The following EYA4 variants were observed in gnomAD, a reference collection of about 807,000 sequenced individuals.
EYA4 encodes the protein protein phosphatase EYA4.
Under a neutral mutation model 87.9 loss-of-function variants are expected in EYA4, and 31 were observed. That is an observed-to-expected ratio of 0.35 (90% CI 0.27 to 0.48). The LOEUF (loss-of-function observed/expected upper bound fraction) is 0.48, where lower values mean the gene tolerates loss of function less well. Among genes scored for constraint, EYA4 ranks in the 20% least tolerant of loss-of-function variants. The pLI is 0.99. For synonymous variants in EYA4, 263 were observed against 270.6 expected, an observed-to-expected ratio of 0.97 and a Z score of 0.28; for missense variants, 678 against 761.4, an observed-to-expected ratio of 0.89 and a Z score of 1.29.
intron 17 of EYA4, among the ~76,000 whole-genome samples, chr6:133,518,584 G>A (rs1187767038): frequency 6.6e-6 from 1 of 152,120 alleles, no homozygotes; most frequent in Admixed American, 6.5e-5. Flanking sequence ...TAATTATTCT[G>A]TGAATATAGT....
At chr6:133,390,897 G>T (rs555635381) in intron 3 of EYA4, among the ~76,000 whole-genome samples, 17 of 152,090 alleles carry the variant, frequency 1.1e-4, no homozygotes, top group Non-Finnish European at 2.4e-4. Flanking sequence ...GAAGATTGGG[G>T]GGCTATAGCT....
At chr6:133,500,390 C>A (rs1320971937) in intron 13 of EYA4, among the ~76,000 whole-genome samples, 1 of 152,062 alleles carries the variant, frequency 6.6e-6, no homozygotes, top group African/African-American at 2.4e-5. Context: ...TAACGCCTCT[C>A]TATCCTTTCC....
intron 2 of EYA4, among the ~76,000 whole-genome samples, chr6:133,359,031 A>C (rs1303684326): frequency 6.6e-6 from 1 of 152,178 alleles, no homozygotes; most frequent in Non-Finnish European, 1.5e-5. Context: ...AAGAAAAAAA[A>C]GGCCCTTTTT....
intron 2 of EYA4, among the ~76,000 whole-genome samples, chr6:133,313,843 C>A (rs1004427263): frequency 6.6e-6 from 1 of 152,044 alleles, no homozygotes; most frequent in African/African-American, 2.4e-5. Context: ...ATCATGTTAG[C>A]AAATGTATAT....
rs148901993 is a variant in EYA4 at position 133,275,150 on chromosome 6, A to G, written c.33+337A>G. The stretch of plus-strand genomic sequence containing the variant: ...ATTTCAGATATGCTGGATATTGTTG[A>G]ATATCAGAAGTATAAAAGGAGAAAG... On this transcript the variant is annotated intron_variant, in intron 2 of 19. Coordinates refer to ENST00000355286, the MANE Select transcript of EYA4 (RefSeq NM_004100.5). Among the ~76,000 whole-genome samples the G allele has an allele frequency of 7.2e-3, 1,102 of 152,306 alleles. 12 individuals are homozygous for G. The highest frequency in any genetic ancestry group is 7.5e-3 in the Non-Finnish European group (508 of 68,022).
chr6:133,443,556 T>C (rs886067222), intron 3 of EYA4, among the ~76,000 whole-genome samples: 1 of 152,044 alleles, frequency 6.6e-6, no homozygotes, highest in African/African-American at 2.4e-5. Context: ...TTCCTTCTAC[T>C]TACCTTTTGT....
chr6:133,345,591 G>A (rs930968230), intron 2 of EYA4, among the ~76,000 whole-genome samples: 7 of 152,090 alleles, frequency 4.6e-5, no homozygotes, highest in Non-Finnish European at 8.8e-5. Context: ...ACATTCAACA[G>A]CATTACTATT....
At chr6:133,522,531 T>C (rs778111517) in intron 17 of EYA4, among the ~76,000 whole-genome samples, 3 of 152,096 alleles carry the variant, frequency 2.0e-5, no homozygotes, top group Non-Finnish European at 4.4e-5. Context: ...ACACTGAAAG[T>C]AAATGCATGA....
At position 133,483,132 on chromosome 6, in the gene EYA4, T is replaced by C. The variant is rs1796362247; in HGVS notation, c.1191+17T>C. ...TATGGCAAGGTAAGAAATCAAGAAATGTTACTCCAAGAAATCTTGTTAAAT... is the reference window on the plus strand; with the variant it reads ...TATGGCAAGGTAAGAAATCAAGAAACGTTACTCCAAGAAATCTTGTTAAAT... On this transcript the variant is annotated intron_variant, in intron 13 of 19. Coordinates refer to ENST00000355286, the MANE Select transcript of EYA4 (RefSeq NM_004100.5). 1 of 1,572,756 alleles carries C rather than the reference T, an allele frequency of 6.4e-7. No individual in the cohort carries two copies. Among genetic ancestry groups the C allele is most frequent in the Admixed American group, 1.7e-5 (1 of 59,928 alleles).
At chr6:133,478,453 A>G (rs1344468612) in intron 11 of EYA4, among the ~76,000 whole-genome samples, 3 of 151,954 alleles carry the variant, frequency 2.0e-5, no homozygotes, top group Non-Finnish European at 2.9e-5. Context: ...AGTGTAATAT[A>G]TATATACATG....
intron 2 of EYA4, among the ~76,000 whole-genome samples, chr6:133,357,925 T>G (rs1001213757): frequency 1.9e-4 from 29 of 151,742 alleles, no homozygotes; most frequent in Non-Finnish European, 2.2e-4. Flanking sequence ...TAATATGAAA[T>G]ATATATTTGA....
intron 16 of EYA4, among the ~76,000 whole-genome samples, chr6:133,515,064 A>G (rs1799469506): frequency 6.6e-6 from 1 of 152,182 alleles, no homozygotes; most frequent in Admixed American, 6.5e-5. Context: ...AGATTGTAGG[A>G]TCAGTGAGGG....
chr6:133,525,859 A>G (rs781360692), intron 19 of EYA4: 76 of 973,674 alleles, frequency 7.8e-5, no homozygotes, highest in Non-Finnish European at 8.9e-5. Context: ...CTGAAATGGG[A>G]TGTATTGCTC....
intron 2 of EYA4, among the ~76,000 whole-genome samples, chr6:133,356,024 G>C (rs961900437): frequency 6.8e-6 from 1 of 146,882 alleles, no homozygotes; most frequent in Non-Finnish European, 1.5e-5. Context: ...GGGGTTAGGG[G>C]TGGGGAGAGA....
At chr6:133,483,754 C>T (rs938581729) in intron 13 of EYA4, among the ~76,000 whole-genome samples, 7 of 148,814 alleles carry the variant, frequency 4.7e-5, no homozygotes, top group African/African-American at 1.7e-4. Flanking sequence ...GACAAAGTCT[C>T]ACTCTGTCCC....
At chr6:133,349,116 G>A (rs1783439517) in intron 2 of EYA4, among the ~76,000 whole-genome samples, 1 of 152,094 alleles carries the variant, frequency 6.6e-6, no homozygotes, top group African/African-American at 2.4e-5. Context: ...TTTCCTCTAT[G>A]TCTAAAACGT....
chr6:133,437,505 T>A (rs1457933588), intron 3 of EYA4, among the ~76,000 whole-genome samples: 1 of 152,200 alleles, frequency 6.6e-6, no homozygotes, highest in Non-Finnish European at 1.5e-5. Context: ...ATTAATACGT[T>A]ATTTTAAAGA....
chr6:133,493,522 G>A (rs1345381318), intron 13 of EYA4, among the ~76,000 whole-genome samples: 1 of 152,164 alleles, frequency 6.6e-6, no homozygotes, highest in Non-Finnish European at 1.5e-5. Flanking sequence ...CACTCTCCAG[G>A]ACATTGGACT....
At chr6:133,522,346 A>G (rs2128810566) in intron 17 of EYA4, among the ~76,000 whole-genome samples, 1 of 151,806 alleles carries the variant, frequency 6.6e-6, no homozygotes, top group African/African-American at 2.4e-5. Context: ...TAGAGTATAT[A>G]CATGTATAAA....
Sources: gnomAD v4.1 joint callset for allele counts (sites outside exome capture counted in the v4.1 genomes callset) on GRCh38, gnomAD v4.1.1 for gene constraint, MANE v1.5 for transcripts, NCBI Gene and HGNC (gene_info 2026-07-23, HGNC 2026-07-21) for gene names.